PRH1: variants seen among roughly 807,000 people sequenced by gnomAD.
PRH1 encodes the protein proline rich protein HaeIII subfamily 1, also known as salivary acidic proline-rich phosphoprotein 1/2.
A neutral mutation model predicts 7.9 loss-of-function variants in PRH1; 7 were observed. That is an observed-to-expected ratio of 0.89 (90% CI 0.50 to 1.67). PRH1 has a LOEUF of 1.67. Among genes scored for constraint, PRH1 ranks in the 40% most tolerant of loss-of-function variants. The pLI is 0.00. For missense variants in PRH1, 109 were observed against 223.6 expected, an observed-to-expected ratio of 0.49 and a Z score of 3.27; for synonymous variants, 45 against 80.8, an observed-to-expected ratio of 0.56 and a Z score of 2.38.
chr12:10,965,434 A>C (rs1370446977), intron 2 of PRH1: 1 of 541,278 alleles, frequency 1.8e-6, no homozygotes, highest in Non-Finnish European at 3.0e-6. Context: ...CTTAAATTTT[A>C]TGTGGACCTG....
upstream of PRH1, chr12:11,048,340 G>T: frequency 3.6e-6 from 1 of 279,232 alleles, no homozygotes. Context: ...TGGAGTTGAG[G>T]GTTTCTGTCC....
intron 1 of PRH1, among the ~76,000 whole-genome samples, chr12:10,976,693 A>G (rs1939115428): frequency 6.6e-6 from 1 of 152,042 alleles, no homozygotes; most frequent in Non-Finnish European, 1.5e-5. Context: ...GAAAAAAGAG[A>G]GAATATACAA....
chr12:11,162,935 T>C (rs551727825), intron 1 of PRH1, among the ~76,000 whole-genome samples: 1 of 152,210 alleles, frequency 6.6e-6, no homozygotes, highest in Non-Finnish European at 1.5e-5. Flanking sequence ...GGAACACTAT[T>C]CAGCTGTAAA....
In PRH1 at chr12:10,998,806, C is replaced by T. The variant is rs750831131; in HGVS notation, c.-125-25085G>A. Among the ~76,000 whole-genome samples, 166 of 152,298 alleles carry T rather than the reference C, an allele frequency of 1.1e-3. 1 individual carries two copies. The highest frequency in any genetic ancestry group is 2.0e-3 in the Admixed American group (31 of 15,278). The stretch of plus-strand genomic sequence containing the variant: ...TGTCCTCCCACCACAGGCATAGTGA[C>T]AACCTTGCACTAGGGCTCTGAGTTC... On this transcript the variant is annotated intron_variant, in intron 1 of 3. Coordinates refer to the PRH1 transcript ENST00000539853.
At chr12:11,039,407 T>G (rs1335480346) in intron 1 of PRH1, among the ~76,000 whole-genome samples, 1 of 152,252 alleles carries the variant, frequency 6.6e-6, no homozygotes, top group Non-Finnish European at 1.5e-5. Flanking sequence ...TCAAATTAAC[T>G]CTTGTTCAAA....
chr12:10,909,261 A>G (rs1469316852), intron 2 of PRH1: 1 of 1,613,614 alleles, frequency 6.2e-7, no homozygotes, highest in South Asian at 1.1e-5. Flanking sequence ...TTCTGCAATT[A>G]TTACAAGAGT....
chr12:11,035,108 G>A (rs1455091655), intron 1 of PRH1, among the ~76,000 whole-genome samples: 3 of 151,300 alleles, frequency 2.0e-5, no homozygotes, highest in African/African-American at 7.3e-5. Context: ...TTACTTTTCA[G>A]GTTTTCTATT....
chr12:11,042,286 C>A (rs1001586819), intron 1 of PRH1, among the ~76,000 whole-genome samples: 1 of 151,744 alleles, frequency 6.6e-6, no homozygotes, highest in Non-Finnish European at 1.5e-5. Flanking sequence ...GGAGATATTA[C>A]AACTGATACA....
intron 2 of PRH1, among the ~76,000 whole-genome samples, chr12:10,902,278 A>G (rs1365245615): frequency 1.3e-5 from 2 of 152,024 alleles, no homozygotes; most frequent in Non-Finnish European, 2.9e-5. Flanking sequence ...AGAGTTTCAG[A>G]CCTTGAAAAC....
intron 2 of PRH1, among the ~76,000 whole-genome samples, chr12:10,915,503 T>C (rs1410556555): frequency 2.2e-5 from 1 of 45,604 alleles, no homozygotes; most frequent in African/African-American, 3.8e-5. Flanking sequence ...TCTTAAAAAA[T>C]TGTGCTTCTG....
At chr12:10,997,764 T>C (rs751456033) in intron 1 of PRH1, 2 of 1,613,934 alleles carry the variant, frequency 1.2e-6, no homozygotes, top group African/African-American at 1.3e-5. Flanking sequence ...ATCTTTTGTC[T>C]CTTGACCCAG....
intron 1 of PRH1, among the ~76,000 whole-genome samples, chr12:10,983,833 T>C (rs1939478721): frequency 1.3e-5 from 2 of 152,182 alleles, no homozygotes; most frequent in African/African-American, 4.8e-5. Flanking sequence ...GTTTCACATT[T>C]GCTTTGCCTC....
At chr12:10,987,292 G>A (rs979723683) in intron 1 of PRH1, among the ~76,000 whole-genome samples, 6 of 152,032 alleles carry the variant, frequency 3.9e-5, no homozygotes, top group African/African-American at 1.5e-4. Context: ...TTACCCCCGA[G>A]TCCATCGTTC....
At chr12:11,085,319 A>G (rs1024224339) in intron 1 of PRH1, among the ~76,000 whole-genome samples, 1 of 148,974 alleles carries the variant, frequency 6.7e-6, no homozygotes, top group African/African-American at 2.5e-5. Flanking sequence ...AAAGGACTCA[A>G]AGAAAATAAT....
intron 1 of PRH1, among the ~76,000 whole-genome samples, chr12:11,105,093 T>C (rs1322150786): frequency 6.6e-6 from 1 of 152,012 alleles, no homozygotes; most frequent in African/African-American, 2.4e-5. Flanking sequence ...AGATACTTCC[T>C]TTAATCAATC....
intron 1 of PRH1, among the ~76,000 whole-genome samples, chr12:11,110,948 A>G (rs557679803): frequency 6.6e-6 from 1 of 152,340 alleles, no homozygotes; most frequent in South Asian, 2.1e-4. Context: ...ACATAAAGGG[A>G]TGGAGGAATA....
At chr12:10,917,298 T>A (rs992057044) in intron 2 of PRH1, among the ~76,000 whole-genome samples, 5 of 150,780 alleles carry the variant, frequency 3.3e-5, no homozygotes, top group African/African-American at 1.2e-4. Context: ...TTTATAATTT[T>A]TTTTATTTTC....
intron 2 of PRH1, among the ~76,000 whole-genome samples, chr12:10,968,791 T>C (rs1459402885): frequency 6.6e-6 from 1 of 152,182 alleles, no homozygotes; most frequent in Non-Finnish European, 1.5e-5. Flanking sequence ...CAGGAACAAA[T>C]TCTGTGCAGG....
At chr12:11,011,503 T>C (rs7304447) in intron 1 of PRH1, among the ~76,000 whole-genome samples, 46,322 of 152,004 alleles carry the variant, frequency 0.3, 8,931 homozygotes, top group East Asian at 0.74. Flanking sequence ...CAGACATATT[T>C]TCCTTCATTG....
Sources: allele counts gnomAD v4.1 joint callset (sites outside exome capture counted in the v4.1 genomes callset), GRCh38; gene constraint gnomAD v4.1.1; transcripts MANE v1.5; gene names NCBI Gene and HGNC (gene_info 2026-07-23, HGNC 2026-07-21).